The following RB1CC1 variants were observed in gnomAD, a reference collection of about 807,000 sequenced individuals.
The protein encoded by RB1CC1 is RB1 inducible coiled-coil 1, also known as RB1-inducible coiled-coil protein 1.
RB1CC1 carries 46 observed loss-of-function variants against 177.5 expected under a neutral mutation model. The observed-to-expected ratio is 0.26, with a 90% CI of 0.20 to 0.33. The LOEUF (loss-of-function observed/expected upper bound fraction) is 0.33, where lower values mean the gene tolerates loss of function less well. Ranked by LOEUF, RB1CC1 falls within the 10% of genes least tolerant of loss-of-function variation. The pLI is 1.00. For missense variants in RB1CC1, 1,703 were observed against 1,816.3 expected, an observed-to-expected ratio of 0.94 and a Z score of 1.13; for synonymous variants, 666 against 613.6, an observed-to-expected ratio of 1.09 and a Z score of -1.26.
rs775265471 is a variant in RB1CC1 at position 52,660,907 on chromosome 8, A to G, written c.1627+19T>C. ...TTTATCCTTTACAAAAGTAATTAAA[A>G]TTATTAATGAACACTTACTAAATAA... On this transcript the variant is annotated intron_variant, in intron 11 of 23. Coordinates refer to ENST00000025008, the MANE Select transcript of RB1CC1 (RefSeq NM_014781.5). The G allele has an allele frequency of 1.2e-5, 19 of 1,580,410 alleles. 1 individual carries two copies. The highest frequency in any genetic ancestry group is 3.5e-5 in the Admixed American group (2 of 57,044).
At chr8:52,626,489 T>C (rs190007962) in intron 22 of RB1CC1, among the ~76,000 whole-genome samples, 5 of 152,150 alleles carry the variant, frequency 3.3e-5, no homozygotes, top group African/African-American at 1.2e-4. Context: ...ATATCTTAGA[T>C]ACATACACAT....
At chr8:52,655,981 T>C in intron 15 of RB1CC1, 27 bp downstream of exon 15, 1 of 1,488,780 alleles carries the variant, frequency 6.7e-7, no homozygotes. Context: ...TTTAATTTTA[T>C]AATTACAGAC....
chr8:52,683,259 G>A (rs1853933292), intron 5 of RB1CC1, among the ~76,000 whole-genome samples: 2 of 152,072 alleles, frequency 1.3e-5, no homozygotes, highest in African/African-American at 4.8e-5. Context: ...TCTAACGTAG[G>A]TCCTTTATTA....
intron 1 of RB1CC1, among the ~76,000 whole-genome samples, chr8:52,697,540 A>C (rs907626433): frequency 1.3e-5 from 2 of 152,180 alleles, no homozygotes; most frequent in African/African-American, 4.8e-5. Context: ...ACTCTGAAAA[A>C]TTAGTGTGTA....
Position 52,674,235 on chromosome 8 carries a change from C to G in RB1CC1, c.612G>C (p.Leu204=), listed in dbSNP as rs1215628862. The G allele has an allele frequency of 3.1e-6, 5 of 1,611,772 alleles. No homozygotes were observed. In the African/African-American group the frequency reaches 5.3e-5, roughly 17 times the overall value. The part of the protein sequence containing the change: ...TAVSVMAKIP[L]LECLTRHSYR... The stretch of plus-strand genomic sequence containing the variant: ...AACTATGTCTGGTTAGGCACTCCAA[C>G]AGTGGAATCTTGGCCATTACTGAAA... The change falls in exon 7 of 24, where the codon CTG becomes CTC. Residue 204 remains leucine (L), a synonymous_variant. Transcript: ENST00000025008.
intron 22 of RB1CC1, 69 bp from the exon 23 acceptor site, chr8:52,624,856 C>A: frequency 8.3e-7 from 1 of 1,198,722 alleles, no homozygotes; most frequent in Non-Finnish European, 1.1e-6. Context: ...ACATAACTGC[C>A]AGAATTAAAA....
At chr8:52,700,758 G>T (rs778378074) in intron 1 of RB1CC1, among the ~76,000 whole-genome samples, 3 of 152,176 alleles carry the variant, frequency 2.0e-5, no homozygotes, top group Non-Finnish European at 4.4e-5. Flanking sequence ...TGCCAATAAT[G>T]AAAATTACAG....
chr8:52,623,891 A>C (rs1285094476), intron 23 of RB1CC1, 32 bp from the exon 24 acceptor site: 1 of 1,442,970 alleles, frequency 6.9e-7, no homozygotes, highest in Non-Finnish European at 9.7e-7. Context: ...GAATCACTAG[A>C]GTGATTAAAC....
intron 1 of RB1CC1, among the ~76,000 whole-genome samples, chr8:52,697,382 A>G (rs78550854): frequency 0.042 from 6,416 of 152,150 alleles, 468 homozygotes; most frequent in African/African-American, 0.15. Flanking sequence ...GAATTTGTTC[A>G]GATCCTGGAT....
chr8:52,635,562 T>A (rs918015308), intron 19 of RB1CC1, among the ~76,000 whole-genome samples: 1 of 152,118 alleles, frequency 6.6e-6, no homozygotes, highest in Non-Finnish European at 1.5e-5. Flanking sequence ...TATTATCAGT[T>A]TTTTCTTGTC....
At chr8:52,664,726 C>T (rs188976649) in intron 8 of RB1CC1, among the ~76,000 whole-genome samples, 6 of 152,230 alleles carry the variant, frequency 3.9e-5, no homozygotes, top group African/African-American at 1.4e-4. Flanking sequence ...AAGCTCAAAT[C>T]GCAAATAATG....
At chr8:52,702,233 T>C (rs906796381) in intron 1 of RB1CC1, among the ~76,000 whole-genome samples, 1 of 152,236 alleles carries the variant, frequency 6.6e-6, no homozygotes, top group Non-Finnish European at 1.5e-5. Context: ...TTAAATACTC[T>C]GTATGGGTAC....
At chr8:52,659,902 C>G (rs1409944988) in intron 12 of RB1CC1, among the ~76,000 whole-genome samples, 4 of 152,134 alleles carry the variant, frequency 2.6e-5, no homozygotes, top group Non-Finnish European at 5.9e-5. Flanking sequence ...GAGGCTGAGG[C>G]ACAAGAACAG....
At chr8:52,688,960 C>A (rs1481153290) in intron 1 of RB1CC1, among the ~76,000 whole-genome samples, 1 of 152,222 alleles carries the variant, frequency 6.6e-6, no homozygotes, top group South Asian at 2.1e-4. Context: ...AAATGTGGTA[C>A]TTGGCAGATA....
intron 1 of RB1CC1, among the ~76,000 whole-genome samples, chr8:52,709,960 T>C (rs1015693112): frequency 1.7e-4 from 26 of 152,222 alleles, no homozygotes; most frequent in African/African-American, 5.8e-4. Flanking sequence ...GAGACTCAGA[T>C]AACCCTAAAG....
intron 15 of RB1CC1, among the ~76,000 whole-genome samples, chr8:52,646,817 C>T (rs777138177): frequency 6.6e-6 from 1 of 152,094 alleles, no homozygotes; most frequent in South Asian, 2.1e-4. Flanking sequence ...ATTATAACTT[C>T]TAAGTATTAA....
In RB1CC1 at chr8:52,657,044, C is replaced by T. The variant is rs371055873; in HGVS notation, c.2785G>A (p.Glu929Lys). Residue 929 changes from glutamate to lysine, a missense_variant, in exon 15 of 24, where the codon GAA becomes AAA. Coordinates refer to ENST00000025008, the MANE Select transcript of RB1CC1 (RefSeq NM_014781.5). ...ATCTCTAACAACTTCTGATCCTTTT[C>T]ATTCTGCAGGCAGATTACAGCTTCT... Reference protein sequence around the residue: ...EKEAVICLQNEKDQKLLEMEN... With the variant: ...EKEAVICLQNKKDQKLLEMEN... 6.2e-7 allele frequency: 1 copy of T among 1,612,792 alleles called. No homozygotes were observed. Among genetic ancestry groups the T allele is most frequent in the African/African-American group, 1.3e-5 (1 of 74,800 alleles).
chr8:52,706,667 G>A (rs935877879), intron 1 of RB1CC1, among the ~76,000 whole-genome samples: 1 of 151,212 alleles, frequency 6.6e-6, no homozygotes. Context: ...AGGAGGCGGA[G>A]CTTGCAGTAA....
chr8:52,704,015 TCTC>T (rs1296817529), intron 1 of RB1CC1, among the ~76,000 whole-genome samples: 1 of 152,090 alleles, frequency 6.6e-6, no homozygotes, highest in African/African-American at 2.4e-5. Context: ...AACTGAATTC[TCTC>T]CTTTGTATGC....
Sources: gnomAD v4.1 joint callset for allele counts (sites outside exome capture counted in the v4.1 genomes callset) on GRCh38, gnomAD v4.1.1 for gene constraint, MANE v1.5 for transcripts, NCBI Gene and HGNC (gene_info 2026-07-23, HGNC 2026-07-21) for gene names.